AP3M2: variants seen among roughly 807,000 people sequenced by gnomAD.
The protein encoded by AP3M2 is AP-3 complex subunit mu-2.
In AP3M2, 28 loss-of-function variants were observed where a neutral mutation model predicts 41.6. The observed-to-expected ratio is 0.67, with a 90% CI of 0.50 to 0.92. The LOEUF (loss-of-function observed/expected upper bound fraction) is 0.92. Ranked by LOEUF, AP3M2 falls within the 40% of genes least tolerant of loss-of-function variation. The pLI is 0.00. For synonymous variants in AP3M2, 193 were observed against 186.4 expected, an observed-to-expected ratio of 1.04 and a Z score of -0.29; for missense variants, 427 against 521.4, an observed-to-expected ratio of 0.82 and a Z score of 1.76.
chr8:42,156,733 T>C (rs752353272), intron 2 of AP3M2, among the ~76,000 whole-genome samples: 1 of 152,138 alleles, frequency 6.6e-6, no homozygotes, highest in Admixed American at 6.5e-5. Flanking sequence ...CGTTATCTAA[T>C]GTAATTTAGA....
chr8:42,156,131 C>T (rs933693092), intron 2 of AP3M2: 2 of 422,864 alleles, frequency 4.7e-6, no homozygotes, highest in Non-Finnish European at 4.7e-6. Context: ...ATGATTTCCA[C>T]GTGTGATACT....
At chr8:42,162,665 C>A (rs1564117703) in intron 4 of AP3M2, among the ~76,000 whole-genome samples, 2 of 151,960 alleles carry the variant, frequency 1.3e-5, no homozygotes. Flanking sequence ...AAGTAACAGG[C>A]CAGATGTAGT....
chr8:42,156,140 C>T, intron 2 of AP3M2: 1 of 406,852 alleles, frequency 2.5e-6, no homozygotes, highest in Non-Finnish European at 4.9e-6. Flanking sequence ...ACGTGTGATA[C>T]TTTACTCATT....
intron 7 of AP3M2, 35 bp downstream of exon 7, chr8:42,167,406 T>C (rs1804670735): frequency 6.2e-7 from 1 of 1,607,720 alleles, no homozygotes; most frequent in African/African-American, 1.3e-5. Context: ...ATTGCTGATG[T>C]TAAGCAGAAA....
At chr8:42,163,074 G>T (rs564842682) in intron 4 of AP3M2, among the ~76,000 whole-genome samples, 7 of 152,024 alleles carry the variant, frequency 4.6e-5, no homozygotes, top group African/African-American at 1.7e-4. Flanking sequence ...TCAGGGAGCT[G>T]CCTTTTCTAT....
At chr8:42,165,025 G>A in intron 4 of AP3M2, 46 bp from the exon 5 acceptor site, 1 of 1,546,028 alleles carries the variant, frequency 6.5e-7, no homozygotes, top group Middle Eastern at 1.7e-4. Context: ...GAAGGACAGA[G>A]AAGTATTCAG....
chr8:42,166,838 T>G (rs1587918211), intron 6 of AP3M2: 1 of 294,010 alleles, frequency 3.4e-6, no homozygotes, highest in East Asian at 7.9e-5. Flanking sequence ...AAATGATGAC[T>G]GGTCACATGT....
intron 6 of AP3M2, 76 bp downstream of exon 6, chr8:42,165,636 A>G: frequency 6.5e-7 from 1 of 1,546,990 alleles, no homozygotes; most frequent in Non-Finnish European, 8.8e-7. Context: ...GGTGATTAAG[A>G]ACTCAGGCTC....
Position 42,169,101 on chromosome 8 carries a change from C to A in AP3M2, c.*40C>A, listed in dbSNP as rs775241836. On this transcript the variant is annotated 3_prime_UTR_variant, in exon 9 of 9. Coordinates refer to ENST00000396926, the MANE Select transcript of AP3M2 (RefSeq NM_006803.4). ...GAGGGAATAGTCTTGCACATTTTTTCATTTCTTACTTGTCTAAAAGTAAAA... is the reference window on the plus strand; with the variant it reads ...GAGGGAATAGTCTTGCACATTTTTTAATTTCTTACTTGTCTAAAAGTAAAA... The A allele has an allele frequency of 1.6e-5, 24 of 1,520,892 alleles. No homozygotes were observed. In the South Asian group the frequency reaches 2.7e-4, roughly 17 times the overall value. 94.2% of individuals were successfully genotyped at this position (1,520,892 alleles called of 1,614,324 possible).
chr8:42,165,426 G>C lies in AP3M2; in HGVS notation c.670-1G>C, dbSNP rs1181457684. The stretch of plus-strand genomic sequence containing the variant: ...TGCTTCTCCTCTCCTGATGACTGTA[G>C]AACCCTAGGTTGTTGGATGATGTCA... On this transcript the variant is annotated splice_acceptor_variant, in intron 5 of 8. Coordinates refer to ENST00000396926, the MANE Select transcript of AP3M2 (RefSeq NM_006803.4). LOFTEE classifies it high-confidence loss of function. 7.4e-6 allele frequency: 12 copies of C among 1,613,946 alleles called. No individual in the cohort carries two copies. Among genetic ancestry groups the C allele is most frequent in the Non-Finnish European group, 1.0e-5 (12 of 1,180,010 alleles).
Position 42,167,192 on chromosome 8 carries a change from C to T in AP3M2, c.832C>T (p.His278Tyr). The change falls in exon 7 of 9, where the codon CAT becomes TAT. Residue 278 changes from histidine (H) to tyrosine (Y), a missense_variant. Around this residue, in one of 3 missense-constraint regions of AP3M2, gnomAD observed 237 missense variants for 284.9 expected, o/e 0.83. Coordinates refer to ENST00000396926, the MANE Select transcript of AP3M2 (RefSeq NM_006803.4). ...NLVAIPVYVK[H>Y]NISFRDSSSL... ...GGTTGCAATCCCAGTGTATGTCAAA[C>T]ATAACATCAGTTTCCGGGACAGTAG... is the stretch of plus-strand genomic sequence containing the variant. 6.2e-7 allele frequency: 1 copy of T among 1,614,132 alleles called. No individual in the cohort carries two copies. Among genetic ancestry groups the T allele is most frequent in the South Asian group, 1.1e-5 (1 of 91,082 alleles).
At chr8:42,160,628 ATTAT>A (rs1353911683) in intron 3 of AP3M2, among the ~76,000 whole-genome samples, 1 of 152,194 alleles carries the variant, frequency 6.6e-6, no homozygotes, top group African/African-American at 2.4e-5. Flanking sequence ...TTTGGATTTA[ATTAT>A]TTAATCCATT....
At chr8:42,156,737 AT>A in intron 2 of AP3M2, among the ~76,000 whole-genome samples, 1 of 152,270 alleles carries the variant, frequency 6.6e-6, no homozygotes, top group Middle Eastern at 3.4e-3. Flanking sequence ...ATCTAATGTA[AT>A]TTAGACTCTA....
chr8:42,155,001 G>A, intron 2 of AP3M2, 41 bp downstream of exon 2: 4 of 1,547,358 alleles, frequency 2.6e-6, no homozygotes, highest in South Asian at 1.1e-5. Flanking sequence ...AAACCGTAAA[G>A]TGTCTTTGTA....
In AP3M2 at chr8:42,167,278, G is replaced by A. The variant is rs773844925; in HGVS notation, c.918G>A (p.Glu306=). Residue 306 remains glutamate, a synonymous_variant, in exon 7 of 9, where the codon GAG becomes GAA. Coordinates refer to ENST00000396926, the MANE Select transcript of AP3M2 (RefSeq NM_006803.4). ...GPKQTMGKTI[E]GVTVTSQMPK... ...AGCAGACGATGGGGAAGACCATTGA[G>A]GGAGTGACTGTCACCAGCCAGATGC... 6.2e-7 allele frequency: 1 copy of A among 1,614,172 alleles called. No homozygotes were observed. The highest frequency in any genetic ancestry group is 2.2e-5 in the East Asian group (1 of 44,864).
intron 1 of AP3M2, chr8:42,153,838 G>A (rs1435786185): frequency 6.6e-6 from 1 of 152,080 alleles, no homozygotes; most frequent in African/African-American, 2.4e-5. Flanking sequence ...CCTAAGGAGT[G>A]CTCAGAGAAT....
At chr8:42,155,047 A>C in intron 2 of AP3M2, 87 bp downstream of exon 2, 1 of 1,150,150 alleles carries the variant, frequency 8.7e-7, no homozygotes, top group Non-Finnish European at 1.2e-6. Context: ...CCATTAAGAA[A>C]CTTAAAAAAA....
At chr8:42,166,006 CT>C (rs1341648346) in intron 6 of AP3M2, among the ~76,000 whole-genome samples, 1 of 152,126 alleles carries the variant, frequency 6.6e-6, no homozygotes, top group African/African-American at 2.4e-5. Context: ...AATCTAAAGG[CT>C]TTTGGAAGCA....
At chr8:42,165,355 T>TAA in intron 5 of AP3M2, 72 bp from the exon 6 acceptor site, 1 of 1,561,262 alleles carries the variant, frequency 6.4e-7, no homozygotes, top group African/African-American at 1.4e-5. Flanking sequence ...AAACAGCATT[T>TAA]AAATTGCTTT....
Sources: allele counts gnomAD v4.1 joint callset (sites outside exome capture counted in the v4.1 genomes callset), GRCh38; gene constraint gnomAD v4.1.1; regional missense constraint gnomAD v4.1.1; transcripts MANE v1.5; gene names NCBI Gene and HGNC (gene_info 2026-07-23, HGNC 2026-07-21).